Variants in SMIM23 observed in about 807,000 individuals in gnomAD.
The protein encoded by SMIM23 is CTB-78H18.1.
SMIM23 carries 10 observed loss-of-function variants against 12.8 expected under a neutral mutation model. The ratio of observed to expected loss-of-function variants is 0.78; its 90% CI spans 0.48 to 1.32. SMIM23 has a LOEUF of 1.32. Among genes scored for constraint, SMIM23 ranks in the 40% most tolerant of loss-of-function variants. The pLI, the probability that SMIM23 is intolerant of heterozygous loss-of-function variation, is 0.00. For missense variants in SMIM23, 184 were observed against 198.2 expected, an observed-to-expected ratio of 0.93 and a Z score of 0.43; for synonymous variants, 78 against 80.1, an observed-to-expected ratio of 0.97 and a Z score of 0.14.
At position 171,790,528 on chromosome 5, in the gene SMIM23, C is replaced by T. The variant is rs1280611816; in HGVS notation, c.204C>T (p.Tyr68=). Residue 68 remains tyrosine, a synonymous_variant, in exon 3 of 4, where the codon TAC becomes TAT. Coordinates refer to ENST00000523047, the MANE Select transcript of SMIM23 (RefSeq NM_001289970.2). ...VSERIRECNY[Y]QNLAVPQGLE... ...AAAGGATCAGAGAATGTAACTACTA[C>T]CAGAATCTTGCAGTTCCCCAGGTAA... The T allele has an allele frequency of 1.3e-6, 2 of 1,536,710 alleles. No individual in the cohort carries two copies. The highest frequency in any genetic ancestry group is 1.7e-6 in the Non-Finnish European group (2 of 1,147,038).
Position 171,790,232 on chromosome 5 carries a change from G to A in SMIM23, c.108G>A (p.Thr36=), listed in dbSNP as rs191770673. ...RGSHCDDEKQ[T]LLALLILVLY... ...CTCTTCCTCTTCTTGCACCCTAGAC[G>A]CTGTTGGCATTGCTGATCTTGGTGC... Residue 36 remains threonine (T), a splice_region_variant and synonymous_variant, in exon 2 of 4, where the codon ACG becomes ACA. Coordinates refer to ENST00000523047, the MANE Select transcript of SMIM23 (RefSeq NM_001289970.2). The A allele has an allele frequency of 1.6e-5, 25 of 1,536,126 alleles. No individual in the cohort carries two copies. The East Asian group carries it at 2.4e-4, about 15-fold the overall frequency.
intron 2 of SMIM23, 34 bp downstream of exon 2, chr5:171,790,315 A>G: frequency 3.9e-6 from 6 of 1,534,984 alleles, no homozygotes; most frequent in Non-Finnish European, 5.2e-6. Context: ...AGAAGGAACC[A>G]AATCCACATG....
upstream of SMIM23, among the ~76,000 whole-genome samples, chr5:171,784,848 T>C (rs537005496): frequency 1.1e-4 from 17 of 152,132 alleles, no homozygotes; most frequent in East Asian, 3.1e-3. Flanking sequence ...TACACAGCAG[T>C]CAAAAAGAAT....
At chr5:171,774,263 C>T in the SMIM23 span, 2 of 381,536 alleles carry the variant, frequency 5.2e-6, no homozygotes, top group Admixed American at 3.1e-5. Context: ...CTGGCCCATC[C>T]CATTCAGAGA....
chr5:171,783,034 C>T (rs1755754343), upstream of SMIM23, among the ~76,000 whole-genome samples: 1 of 152,128 alleles, frequency 6.6e-6, no homozygotes, highest in African/African-American at 2.4e-5. Context: ...TTGTTTGGCA[C>T]ATGGGGGCTT....
chr5:171,776,776 A>T, the SMIM23 span, among the ~76,000 whole-genome samples: 1 of 152,174 alleles, frequency 6.6e-6, no homozygotes, highest in South Asian at 2.1e-4. Flanking sequence ...GGAATTCAAC[A>T]ACCCCACTGG....
upstream of SMIM23, chr5:171,785,787 A>G (rs1321657790): frequency 9.4e-6 from 10 of 1,060,366 alleles, no homozygotes; most frequent in Middle Eastern, 6.0e-4. Context: ...TGTTTGCAGG[A>G]TGCCTGGTGA....
chr5:171,787,700 G>C (rs1755843483), intron 1 of SMIM23, among the ~76,000 whole-genome samples: 1 of 152,224 alleles, frequency 6.6e-6, no homozygotes, highest in African/African-American at 2.4e-5. Flanking sequence ...TTTGCATTGG[G>C]TGTACACACA....
At chr5:171,772,752 G>A in the SMIM23 span, among the ~76,000 whole-genome samples, 4 of 151,418 alleles carry the variant, frequency 2.6e-5, no homozygotes, top group African/African-American at 9.8e-5. Context: ...AGCAAGGTAT[G>A]TGCCTTTCCC....
intron 1 of SMIM23, among the ~76,000 whole-genome samples, chr5:171,788,635 A>G (rs1755863209): frequency 6.6e-6 from 1 of 152,250 alleles, no homozygotes; most frequent in Admixed American, 6.5e-5. Flanking sequence ...CCTTGGCAGT[A>G]CAACTTACAA....
chr5:171,786,417 C>T (rs1184872171), intron 1 of SMIM23, among the ~76,000 whole-genome samples: 4 of 152,198 alleles, frequency 2.6e-5, no homozygotes, highest in Admixed American at 6.5e-5. Context: ...GGTGCATCCA[C>T]ACCCCATCTC....
upstream of SMIM23, among the ~76,000 whole-genome samples, chr5:171,778,490 C>G (rs951138220): frequency 1.8e-5 from 2 of 108,134 alleles, no homozygotes; most frequent in South Asian, 6.2e-4. Flanking sequence ...CACACACACA[C>G]ACAGATAGAG....
chr5:171,786,021 C>A, intron 1 of SMIM23, 45 bp downstream of exon 1: 1 of 1,438,072 alleles, frequency 7.0e-7, no homozygotes, highest in South Asian at 1.2e-5. Context: ...CATCTGGGCT[C>A]CTTTTGCCAC....
rs2113648676 is a variant in SMIM23, at chr5:171,785,854, G to C, written c.-18G>C. 1 of 1,533,644 alleles carries C rather than the reference G, an allele frequency of 6.5e-7. No individual in the cohort carries two copies. The highest frequency in any genetic ancestry group is 2.4e-5 in the East Asian group (1 of 40,906). On this transcript the variant is annotated 5_prime_UTR_variant, in exon 1 of 4. Transcript: ENST00000523047. ...TGTCTGTTGAGTGTGGTCCACCCAG[G>C]CAGCCAGATCTGAGGCCATGGCAAC...
intron 1 of SMIM23, among the ~76,000 whole-genome samples, chr5:171,788,752 A>G (rs1755864709): frequency 6.6e-6 from 1 of 152,254 alleles, no homozygotes; most frequent in Admixed American, 6.5e-5. Flanking sequence ...TACACAAATT[A>G]TTTCATAAAA....
chr5:171,774,489 C>T, the SMIM23 span: 27 of 456,272 alleles, frequency 5.9e-5, no homozygotes, highest in East Asian at 1.3e-3. Context: ...CCTTGCACCT[C>T]GGATGGCCGA....
chr5:171,780,366 C>G (rs370875028), upstream of SMIM23, among the ~76,000 whole-genome samples: 45 of 152,082 alleles, frequency 3.0e-4, no homozygotes, highest in African/African-American at 1.1e-3. Context: ...CTCTGCCAGT[C>G]CCCCGCCCAC....
chr5:171,785,157 A>AACACAC (rs34740868), upstream of SMIM23, among the ~76,000 whole-genome samples: 2 of 149,784 alleles, frequency 1.3e-5, no homozygotes, highest in African/African-American at 4.9e-5. Context: ...TTTAGAATTA[A>AACACAC]ACACACACAC....
At chr5:171,789,266 A>C (rs184655331) in intron 1 of SMIM23, among the ~76,000 whole-genome samples, 1 of 152,386 alleles carries the variant, frequency 6.6e-6, no homozygotes, top group Admixed American at 6.5e-5. Flanking sequence ...TTACTGAAGA[A>C]GCTCATTTGG....
Sources: gnomAD v4.1 joint callset for allele counts (sites outside exome capture counted in the v4.1 genomes callset) on GRCh38, gnomAD v4.1.1 for gene constraint, MANE v1.5 for transcripts, NCBI Gene and HGNC (gene_info 2026-07-23, HGNC 2026-07-21) for gene names.